PDE4D: variants seen among roughly 807,000 people sequenced by gnomAD.
The protein encoded by PDE4D is phosphodiesterase 4D.
A neutral mutation model predicts 87.4 loss-of-function variants in PDE4D; 24 were observed. The observed-to-expected ratio is 0.27, with a 90% CI of 0.20 to 0.39. PDE4D has a LOEUF of 0.39. Among genes scored for constraint, PDE4D ranks in the 10% least tolerant of loss-of-function variants. The pLI is 1.00. For missense variants in PDE4D, 714 were observed against 1,041.0 expected, an observed-to-expected ratio of 0.69 and a Z score of 4.32; for synonymous variants, 384 against 383.2, an observed-to-expected ratio of 1.00 and a Z score of -0.02.
chr5:60,429,840 T>C (rs11950621), intron 1 of PDE4D: 1 of 344,038 alleles, frequency 2.9e-6, no homozygotes, highest in African/African-American at 2.2e-5. Context: ...ATTAGTTTTT[T>C]TTTTTTTGTT....
In PDE4D at chr5:59,329,034, C is replaced by T. The variant is rs927375624; in HGVS notation, c.456-113066G>A. On this transcript the variant is annotated intron_variant, in intron 1 of 14. Transcript: ENST00000340635. ...AGCTGTTGGTCAGTATGTGGATCAC[C>T]GACTGCATCCTCCTTGCAAGAAGGC... Among the ~76,000 whole-genome samples the T allele has an allele frequency of 3.9e-5, 6 of 152,124 alleles. No individual in the cohort carries two copies. The East Asian group carries it at 5.8e-4, about 15-fold the overall frequency.
intron 1 of PDE4D, among the ~76,000 whole-genome samples, chr5:59,515,086 G>GA (rs1170100318): frequency 6.6e-6 from 1 of 152,126 alleles, no homozygotes; most frequent in Non-Finnish European, 1.5e-5. Context: ...GATTAAAGGG[G>GA]AAAAACCACA....
chr5:59,137,569 C>T (rs372453314), intron 5 of PDE4D, among the ~76,000 whole-genome samples: 10 of 151,454 alleles, frequency 6.6e-5, no homozygotes, highest in Admixed American at 6.6e-4. Context: ...CTCTGTCGCC[C>T]AGGCTGGAGT....
intron 5 of PDE4D, among the ~76,000 whole-genome samples, chr5:59,089,169 A>G (rs1169806955): frequency 6.6e-6 from 1 of 151,778 alleles, no homozygotes. Flanking sequence ...CAATTTATAC[A>G]TTTTTGTTGT....
intron 5 of PDE4D, among the ~76,000 whole-genome samples, chr5:59,172,081 T>A (rs1382965770): frequency 1.4e-4 from 1 of 7,356 alleles, no homozygotes; most frequent in Non-Finnish European, 2.4e-4. Context: ...AAATATATAT[T>A]ATATATATAA....
intron 1 of PDE4D, among the ~76,000 whole-genome samples, chr5:59,447,134 T>C (rs536042443): frequency 9.2e-5 from 14 of 152,324 alleles, no homozygotes; most frequent in East Asian, 1.9e-4. Flanking sequence ...GTGGCCAAGA[T>C]TGATGTTATG....
chr5:59,413,537 A>G (rs1466889637), intron 1 of PDE4D, among the ~76,000 whole-genome samples: 1 of 151,266 alleles, frequency 6.6e-6, no homozygotes, highest in Non-Finnish European at 1.5e-5. Flanking sequence ...CATACTATGC[A>G]GTGTCCTTCT....
chr5:60,343,290 CT>C (rs1030529434), intron 1 of PDE4D, among the ~76,000 whole-genome samples: 1 of 152,152 alleles, frequency 6.6e-6, no homozygotes, highest in Non-Finnish European at 1.5e-5. Flanking sequence ...TGGAACACCC[CT>C]GCCTCACCAA....
At chr5:59,547,828 C>T (rs960980682) in intron 1 of PDE4D, among the ~76,000 whole-genome samples, 3 of 152,114 alleles carry the variant, frequency 2.0e-5, no homozygotes, top group Non-Finnish European at 2.9e-5. Flanking sequence ...CCTCCACAAC[C>T]GGGACACACA....
At chr5:59,353,912 T>C (rs957471107) in intron 1 of PDE4D, among the ~76,000 whole-genome samples, 4 of 152,192 alleles carry the variant, frequency 2.6e-5, no homozygotes, top group African/African-American at 9.7e-5. Context: ...CTGTTTCAGA[T>C]TGTATTTCTC....
chr5:59,760,095 C>A (rs1761789444), intron 1 of PDE4D, among the ~76,000 whole-genome samples: 1 of 152,146 alleles, frequency 6.6e-6, no homozygotes, highest in African/African-American at 2.4e-5. Context: ...CAAATGGTTT[C>A]TTTCCCCTTC....
intron 2 of PDE4D, among the ~76,000 whole-genome samples, chr5:60,045,848 T>C (rs1582349728): frequency 6.6e-6 from 1 of 152,226 alleles, no homozygotes; most frequent in Non-Finnish European, 1.5e-5. Flanking sequence ...TGATGCGGGC[T>C]CTTTTATGGT....
chr5:59,746,977 C>G (rs1317097303), intron 1 of PDE4D, among the ~76,000 whole-genome samples: 1 of 152,172 alleles, frequency 6.6e-6, no homozygotes, highest in Non-Finnish European at 1.5e-5. Context: ...GGTCTCTCCT[C>G]TCAGTCTTTA....
intron 1 of PDE4D, among the ~76,000 whole-genome samples, chr5:60,340,279 A>ATTTT (rs35196365): frequency 1.4e-5 from 2 of 147,158 alleles, no homozygotes; most frequent in African/African-American, 5.0e-5. Flanking sequence ...ACAGCATCCT[A>ATTTT]TTTTTTTTTT....
At chr5:59,146,589 CAAAT>C (rs1293926079) in intron 5 of PDE4D, among the ~76,000 whole-genome samples, 1 of 150,036 alleles carries the variant, frequency 6.7e-6, no homozygotes, top group Non-Finnish European at 1.5e-5. Flanking sequence ...TTTTCCAAAT[CAAAT>C]AATGCAGTAC....
chr5:60,441,832 G>T (rs1038522906), intron 1 of PDE4D, among the ~76,000 whole-genome samples: 7 of 151,518 alleles, frequency 4.6e-5, no homozygotes, highest in African/African-American at 1.5e-4. Context: ...GCAAACGTAT[G>T]AAAAAAAAGC....
intron 5 of PDE4D, among the ~76,000 whole-genome samples, chr5:59,163,263 T>C (rs1581140193): frequency 7.0e-6 from 1 of 142,892 alleles, no homozygotes; most frequent in South Asian, 2.2e-4. Context: ...AATTGATTTT[T>C]AAATGAACAA....
At chr5:58,982,467 A>G (rs1052881785) in intron 11 of PDE4D, among the ~76,000 whole-genome samples, 1 of 152,198 alleles carries the variant, frequency 6.6e-6, no homozygotes, top group East Asian at 1.9e-4. Context: ...TCCTGGTTAG[A>G]GGCAATGCTG....
At chr5:60,463,651 T>C (rs1747130860) in intron 1 of PDE4D, among the ~76,000 whole-genome samples, 1 of 152,210 alleles carries the variant, frequency 6.6e-6, no homozygotes, top group African/African-American at 2.4e-5. Context: ...ACAGGCTGAA[T>C]TCCATCTGAC....
Sources: gnomAD v4.1 joint callset for allele counts (sites outside exome capture counted in the v4.1 genomes callset) on GRCh38, gnomAD v4.1.1 for gene constraint, MANE v1.5 for transcripts, NCBI Gene and HGNC (gene_info 2026-07-23, HGNC 2026-07-21) for gene names.